Variants in UBR1 observed in about 807,000 individuals in gnomAD.
UBR1 encodes the protein E3 ubiquitin-protein ligase UBR1.
In UBR1, 102 loss-of-function variants were observed where a neutral mutation model predicts 242.1. That is an observed-to-expected ratio of 0.42 (90% CI 0.36 to 0.50). The LOEUF is 0.50. Among genes scored for constraint, UBR1 ranks in the 20% least tolerant of loss-of-function variants. UBR1 has a pLI of 0.01. For synonymous variants in UBR1, 675 were observed against 684.8 expected (o/e 0.99, Z 0.22); for missense variants, 1,772 against 2,101.8 (o/e 0.84, Z 3.07).
At chr15:42,948,006 G>A (rs570132068) in intron 46 of UBR1, among the ~76,000 whole-genome samples, 1 of 152,292 alleles carries the variant, frequency 6.6e-6, no homozygotes, top group African/African-American at 2.4e-5. Context: ...AACAAAGCTG[G>A]AGGCATCACG....
chr15:43,000,494 C>T (rs867908077), intron 32 of UBR1, among the ~76,000 whole-genome samples: 1 of 152,172 alleles, frequency 6.6e-6, no homozygotes, highest in African/African-American at 2.4e-5. Flanking sequence ...ATTGGAAAGT[C>T]ACTTTATTAT....
At chr15:43,058,194 G>T in intron 10 of UBR1, 147 bp downstream of exon 10, 1 of 626,798 alleles carries the variant, frequency 1.6e-6, no homozygotes, top group Non-Finnish European at 2.8e-6. Flanking sequence ...ACAGGCGTGA[G>T]CCAACCCGCA....
Position 42,943,941 on chromosome 15 carries a change from G to A in UBR1, c.*1388C>T, listed in dbSNP as rs2031690991. On this transcript the variant is annotated 3_prime_UTR_variant, in exon 47 of 47. Coordinates refer to ENST00000290650, the MANE Select transcript of UBR1 (RefSeq NM_174916.3). ...AAAATCCACTTTTCTTTACATAAAA[G>A]TACCAAAAAAATCTAGCCCCAAATG... 2 of 152,206 alleles carry A rather than the reference G, an allele frequency of 1.3e-5. No individual in the cohort carries two copies. The highest frequency in any genetic ancestry group is 2.9e-5 in the Non-Finnish European group (2 of 67,998). The allele number at this position is 152,206 out of a possible 1,614,324, so 9.4% of individuals were successfully genotyped here.
At chr15:42,984,045 T>C in intron 36 of UBR1, 52 bp from the exon 37 acceptor site, 24 of 1,344,350 alleles carry the variant, frequency 1.8e-5, no homozygotes, top group Non-Finnish European at 2.1e-5. Flanking sequence ...ATGAGAGACC[T>C]AAGTCATCCA....
At chr15:43,018,760 A>C (rs1024616509) in intron 27 of UBR1, among the ~76,000 whole-genome samples, 3 of 152,180 alleles carry the variant, frequency 2.0e-5, no homozygotes, top group African/African-American at 4.8e-5. Context: ...CACCTACAAC[A>C]TAGCTTTAAA....
chr15:42,960,351 C>T (rs544098285), intron 43 of UBR1, among the ~76,000 whole-genome samples: 1 of 152,300 alleles, frequency 6.6e-6, no homozygotes, highest in East Asian at 1.9e-4. Context: ...AATACACCAG[C>T]AGCTCCATGA....
intron 29 of UBR1, among the ~76,000 whole-genome samples, chr15:43,009,349 A>T (rs2032882010): frequency 6.6e-6 from 1 of 152,222 alleles, no homozygotes; most frequent in South Asian, 2.1e-4. Flanking sequence ...CCCTGTGCCT[A>T]GAGCTCCCTG....
Position 42,960,696 on chromosome 15 carries a change from C to A in UBR1, c.4706G>T (p.Cys1569Phe). Residue 1569 changes from cysteine (C) to phenylalanine (F), a missense_variant, in exon 43 of 47, where the codon TGT becomes TTT. Cys to Phe is a radical substitution (Grantham distance 205). Transcript: ENST00000290650. Reference sequence around the variant, plus strand: ...ACAGTTTAGTAAGGCAGGATCTGCACACCACCTGTATGTGGAGCCAAGAGA... The same window carrying A: ...ACAGTTTAGTAAGGCAGGATCTGCAAACCACCTGTATGTGGAGCCAAGAGA... ...DTVRPLLQRW[C>F]ADPALLNCLK... The A allele has an allele frequency of 6.2e-7, 1 of 1,613,984 alleles. No homozygotes were observed. The highest frequency in any genetic ancestry group is 1.1e-5 in the South Asian group (1 of 91,082).
At chr15:42,966,385 G>T in intron 40 of UBR1, 99 bp from the exon 41 acceptor site, 1 of 1,487,214 alleles carries the variant, frequency 6.7e-7, no homozygotes, top group Non-Finnish European at 9.2e-7. Context: ...TAAACATTTA[G>T]GTAATTTATT....
Position 43,048,470 on chromosome 15 carries a change from G to C in UBR1, c.1461C>G (p.Pro487=). The C allele has an allele frequency of 6.2e-7, 1 of 1,613,566 alleles. No homozygotes were observed. The highest frequency in any genetic ancestry group is 2.2e-5 in the East Asian group (1 of 44,794). Residue 487 remains proline, a synonymous_variant, in exon 13 of 47, where the codon CCC becomes CCG. Coordinates refer to ENST00000290650, the MANE Select transcript of UBR1 (RefSeq NM_174916.3). Reference sequence around the variant, plus strand: ...TTCTTAATCTTTCTGTCCATATTGTGGGTTTGCTGATCAGGATATACCTAT... The same window carrying C: ...TTCTTAATCTTTCTGTCCATATTGTCGGTTTGCTGATCAGGATATACCTAT... ...CDLKYILISK[P]TIWTERLRMQ...
intron 6 of UBR1, among the ~76,000 whole-genome samples, chr15:43,061,056 G>C (rs1386779605): frequency 6.6e-6 from 1 of 152,102 alleles, no homozygotes; most frequent in Non-Finnish European, 1.5e-5. Context: ...TGTGATGCTG[G>C]CAATTAACCT....
At chr15:43,048,691 A>C (rs2033515972) in intron 12 of UBR1, among the ~76,000 whole-genome samples, 200 bp from the exon 13 acceptor site, 1 of 152,222 alleles carries the variant, frequency 6.6e-6, no homozygotes, top group African/African-American at 2.4e-5. Context: ...GCTCTAGAAG[A>C]GGCAGATATC....
intron 4 of UBR1, among the ~76,000 whole-genome samples, chr15:43,074,370 C>T (rs530206268): frequency 4.3e-4 from 66 of 152,306 alleles, no homozygotes; most frequent in Non-Finnish European, 8.1e-4. Flanking sequence ...TTCTAATTCA[C>T]TATATGCTAC....
intron 2 of UBR1, among the ~76,000 whole-genome samples, chr15:43,084,581 G>A (rs145059220): frequency 2.0e-5 from 3 of 152,146 alleles, no homozygotes; most frequent in East Asian, 1.9e-4. Context: ...TCAGCCTCCC[G>A]AGTAGCTCGG....
chr15:43,078,293 A>C (rs1264612573), intron 3 of UBR1, among the ~76,000 whole-genome samples: 3 of 152,184 alleles, frequency 2.0e-5, no homozygotes, highest in Admixed American at 6.5e-5. Flanking sequence ...GAAACCCCTA[A>C]AGATGTGGCA....
chr15:43,052,821 G>GTGT (rs994405956), intron 12 of UBR1, among the ~76,000 whole-genome samples: 2 of 152,168 alleles, frequency 1.3e-5, no homozygotes, highest in African/African-American at 2.4e-5. Flanking sequence ...AGTAGATTTT[G>GTGT]TGTTGTTGTT....
rs946950135 is a variant in UBR1, at chr15:43,036,476, A to T, written c.2088+52T>A. On this transcript the variant is annotated intron_variant, in intron 18 of 46. Transcript: ENST00000290650. The stretch of plus-strand genomic sequence containing the variant: ...ACATTATCTTCTCTCCTTAGAAAGA[A>T]TTCAAGAAGGAAGATGAAGACACAA... 5 of 1,372,684 alleles carry T rather than the reference A, an allele frequency of 3.6e-6. No individual in the cohort carries two copies. In the Admixed American group the frequency reaches 8.4e-5, roughly 23 times the overall value. 85.0% of individuals were successfully genotyped at this position (1,372,684 alleles called of 1,614,324 possible).
intron 23 of UBR1, 27 bp downstream of exon 23, chr15:43,026,534 T>C: frequency 6.3e-7 from 1 of 1,594,084 alleles, no homozygotes; most frequent in Non-Finnish European, 8.6e-7. Context: ...TTTAGGTTTA[T>C]TTACTGAAAA....
chr15:43,066,730 C>A (rs2033756931), intron 6 of UBR1, among the ~76,000 whole-genome samples: 1 of 152,130 alleles, frequency 6.6e-6, no homozygotes, highest in African/African-American at 2.4e-5. Flanking sequence ...TGAATGGGAA[C>A]TTGTTAGAAA....
Sources: gnomAD v4.1 joint callset for allele counts (sites outside exome capture counted in the v4.1 genomes callset) on GRCh38, gnomAD v4.1.1 for gene constraint, MANE v1.5 for transcripts, NCBI Gene and HGNC (gene_info 2026-07-23, HGNC 2026-07-21) for gene names.